SMG6: variants seen among roughly 807,000 people sequenced by gnomAD.
SMG6 encodes the protein SMG6 nonsense mediated mRNA decay factor.
In SMG6, 66 loss-of-function variants were observed where a neutral mutation model predicts 142.2. The observed-to-expected ratio is 0.46, with a 90% CI of 0.38 to 0.57. The LOEUF (loss-of-function observed/expected upper bound fraction) is 0.57, where lower values mean the gene tolerates loss of function less well. Among genes scored for constraint, SMG6 ranks in the 20% least tolerant of loss-of-function variants. The pLI is 0.00. For synonymous variants in SMG6, 779 were observed against 702.4 expected, an observed-to-expected ratio of 1.11 and a Z score of -1.72; for missense variants, 1,793 against 1,832.0, an observed-to-expected ratio of 0.98 and a Z score of 0.39.
intron 6 of SMG6, among the ~76,000 whole-genome samples, chr17:2,291,107 G>A (rs748461682): frequency 2.7e-4 from 41 of 152,216 alleles, no homozygotes; most frequent in East Asian, 1.2e-3. Flanking sequence ...CGAGGCGGGC[G>A]GATCACGAGG....
At chr17:2,232,372 G>A (rs1042494870) in intron 10 of SMG6, among the ~76,000 whole-genome samples, 2 of 152,112 alleles carry the variant, frequency 1.3e-5, no homozygotes, top group African/African-American at 4.8e-5. Flanking sequence ...CTCGCTTCAG[G>A]CTCAGGAATG....
intron 13 of SMG6, among the ~76,000 whole-genome samples, chr17:2,092,232 G>A (rs572750650): frequency 2.0e-5 from 3 of 152,246 alleles, no homozygotes; most frequent in South Asian, 2.1e-4. Flanking sequence ...GTGATCCACC[G>A]CGCCCGGCCT....
chr17:2,251,984 C>T (rs1471566003), intron 8 of SMG6, among the ~76,000 whole-genome samples: 1 of 152,134 alleles, frequency 6.6e-6, no homozygotes, highest in Non-Finnish European at 1.5e-5. Context: ...GCCTGTAATC[C>T]CAGCTACACT....
intron 13 of SMG6, among the ~76,000 whole-genome samples, chr17:2,117,102 T>G (rs2069531547): frequency 1.3e-5 from 2 of 151,812 alleles, no homozygotes; most frequent in South Asian, 4.2e-4. Flanking sequence ...TTTAAATTTT[T>G]TTTTTTTTTT....
chr17:2,264,104 T>C (rs1421281155), intron 8 of SMG6, among the ~76,000 whole-genome samples: 1 of 150,922 alleles, frequency 6.6e-6, no homozygotes, highest in African/African-American at 2.4e-5. Flanking sequence ...TCACTACTCC[T>C]TCCTATAGCA....
chr17:2,253,489 G>A (rs1003698210), intron 8 of SMG6, among the ~76,000 whole-genome samples: 1 of 152,142 alleles, frequency 6.6e-6, no homozygotes, highest in Admixed American at 6.6e-5. Context: ...CAACGCTGGT[G>A]TCTCAAAAGA....
At chr17:2,238,717 C>T (rs1229697720) in intron 9 of SMG6, among the ~76,000 whole-genome samples, 1 of 152,174 alleles carries the variant, frequency 6.6e-6, no homozygotes, top group Non-Finnish European at 1.5e-5. Context: ...AAGCCTCTTC[C>T]CTGGAGTAGG....
intron 10 of SMG6, chr17:2,233,219 AT>A (rs2073550266): frequency 1.3e-5 from 2 of 152,266 alleles, no homozygotes; most frequent in South Asian, 4.1e-4. Flanking sequence ...GACTGTGAGG[AT>A]CTCAATGGCC....
At chr17:2,112,572 A>AAATAAAT (rs2069370446) in intron 13 of SMG6, among the ~76,000 whole-genome samples, 2 of 149,312 alleles carry the variant, frequency 1.3e-5, no homozygotes, top group South Asian at 2.1e-4. Context: ...AATAAATAAA[A>AAATAAAT]GGCAATGGTC....
At chr17:2,106,458 A>C (rs10459917) in intron 13 of SMG6, among the ~76,000 whole-genome samples, 47,200 of 151,940 alleles carry the variant, frequency 0.31, 9,039 homozygotes, top group African/African-American at 0.54. Flanking sequence ...ACATACTACC[A>C]TTCCTCGGTG....
At chr17:2,119,607 C>G (rs1220497278) in intron 13 of SMG6, among the ~76,000 whole-genome samples, 1 of 152,144 alleles carries the variant, frequency 6.6e-6, no homozygotes, top group Non-Finnish European at 1.5e-5. Flanking sequence ...TCAAGCGATT[C>G]TTGTGCCTCA....
At chr17:2,151,863 T>C (rs2070837029) in intron 13 of SMG6, among the ~76,000 whole-genome samples, 2 of 152,134 alleles carry the variant, frequency 1.3e-5, no homozygotes, top group Admixed American at 6.5e-5. Context: ...TGCTGCCAAT[T>C]TGCTTCTCAT....
intron 13 of SMG6, among the ~76,000 whole-genome samples, chr17:2,140,790 G>C (rs944229654): frequency 6.6e-6 from 1 of 152,044 alleles, no homozygotes; most frequent in Non-Finnish European, 1.5e-5. Flanking sequence ...GCTGTCTTTA[G>C]GTGAAATCCA....
intron 10 of SMG6, among the ~76,000 whole-genome samples, chr17:2,188,791 G>A (rs2072072033): frequency 6.6e-6 from 1 of 152,210 alleles, no homozygotes; most frequent in African/African-American, 2.4e-5. Flanking sequence ...CTGAGCTGGA[G>A]CTGCATGGTC....
intron 10 of SMG6, among the ~76,000 whole-genome samples, chr17:2,231,956 A>G (rs1258830116): frequency 2.0e-5 from 3 of 152,200 alleles, no homozygotes; most frequent in Non-Finnish European, 4.4e-5. Context: ...GTGGTGGCCA[A>G]TGAGTAACAT....
At position 2,061,565 on chromosome 17, in the gene SMG6, C is replaced by T. The variant is rs369323853; in HGVS notation, c.4187G>A (p.Arg1396His). 43 of 1,572,476 alleles carry T rather than the reference C, an allele frequency of 2.7e-5. No homozygotes were observed. The highest frequency in any genetic ancestry group is 1.4e-4 in the East Asian group (6 of 42,404). The part of the protein sequence containing the change: ...VVLLTDDRNL[R>H]VKALTRNVPV... ...AACATTCCTTGTGAGCGCCTTCACA[C>T]GCAGGTTCCGGTCATCCGTCAACAG... Residue 1396 changes from arginine (R) to histidine (H), a missense_variant, in exon 19 of 19, where the codon CGT becomes CAT. Physicochemically the swap from Arg to His is conservative, Grantham distance 29. Transcript: ENST00000263073.
At chr17:2,119,830 T>A (rs1042252413) in intron 13 of SMG6, among the ~76,000 whole-genome samples, 1 of 152,098 alleles carries the variant, frequency 6.6e-6, no homozygotes, top group Non-Finnish European at 1.5e-5. Flanking sequence ...CCTGGCTAAT[T>A]TTTTTGTATT....
At chr17:2,220,115 G>C (rs1275200919) in intron 10 of SMG6, among the ~76,000 whole-genome samples, 1 of 152,064 alleles carries the variant, frequency 6.6e-6, no homozygotes, top group African/African-American at 2.4e-5. Context: ...TAGAGATGGG[G>C]TTTTGCCATG....
intron 8 of SMG6, among the ~76,000 whole-genome samples, chr17:2,265,676 C>T (rs972073472): frequency 6.6e-6 from 1 of 152,196 alleles, no homozygotes; most frequent in African/African-American, 2.4e-5. Context: ...TCGTGAGCCA[C>T]GTACATCTCT....
Sources: allele counts gnomAD v4.1 joint callset (sites outside exome capture counted in the v4.1 genomes callset), GRCh38; gene constraint gnomAD v4.1.1; transcripts MANE v1.5; gene names NCBI Gene and HGNC (gene_info 2026-07-23, HGNC 2026-07-21).